Variants in IKBKB-DT observed in about 807,000 individuals in gnomAD.
The protein encoded by IKBKB-DT is IKBKB divergent transcript, also known as IKBKB antisense RNA.
rs565894601 is a variant in IKBKB-DT at position 42,268,283 on chromosome 8, T to C, written n.604-1887A>G. On this transcript the variant is annotated intron_variant and non_coding_transcript_variant, in intron 1 of 3. Coordinates refer to ENST00000518213, the Ensembl canonical transcript of IKBKB-DT. ...CCGAGTAGCTTGGATTACAGGCACG[T>C]GCCACCACGCCCAGCTAATTTTTTT... 8.3e-4 allele frequency among the ~76,000 whole-genome samples: 126 copies of C among 151,912 alleles called. No individual in the cohort carries two copies. In the East Asian group the frequency reaches 0.024, roughly 28 times the overall value.
chr8:42,235,826 T>G (rs1176396779), intron 3 of IKBKB-DT, among the ~76,000 whole-genome samples: 1 of 152,042 alleles, frequency 6.6e-6, no homozygotes, highest in Non-Finnish European at 1.5e-5. Context: ...CAGTGGGCAG[T>G]AAGAACCAAT....
intron 3 of IKBKB-DT, among the ~76,000 whole-genome samples, chr8:42,258,626 G>GC (rs1356752614): frequency 6.6e-6 from 1 of 151,860 alleles, no homozygotes; most frequent in Admixed American, 6.6e-5. Flanking sequence ...CCACCATCAT[G>GC]CCCGGCTAAT....
intron 3 of IKBKB-DT, among the ~76,000 whole-genome samples, chr8:42,260,075 G>A (rs970939606): frequency 4.6e-5 from 7 of 151,986 alleles, no homozygotes; most frequent in African/African-American, 7.2e-5. Flanking sequence ...CAGGAGCAAC[G>A]GGAAGGAAGA....
intron 3 of IKBKB-DT, among the ~76,000 whole-genome samples, chr8:42,258,019 AG>A (rs1444868050): frequency 3.9e-5 from 6 of 152,150 alleles, no homozygotes; most frequent in African/African-American, 1.4e-4. Context: ...CATGAAACAC[AG>A]GAAATTATTC....
At chr8:42,267,448 C>G (rs186052888) in intron 1 of IKBKB-DT, among the ~76,000 whole-genome samples, 2 of 152,100 alleles carry the variant, frequency 1.3e-5, no homozygotes, top group Non-Finnish European at 2.9e-5. Flanking sequence ...AGAACAAATC[C>G]GTGTGTGATT....
chr8:42,235,204 T>TA (rs1806903641), intron 3 of IKBKB-DT, among the ~76,000 whole-genome samples: 1 of 132,938 alleles, frequency 7.5e-6, no homozygotes, highest in Non-Finnish European at 1.5e-5. Context: ...TCTTTTATTT[T>TA]CTTTTTTTTT....
At chr8:42,268,410 C>T (rs1807405838) in intron 1 of IKBKB-DT, among the ~76,000 whole-genome samples, 1 of 152,010 alleles carries the variant, frequency 6.6e-6, no homozygotes, top group South Asian at 2.1e-4. Flanking sequence ...GCTGGCATTA[C>T]AGGTGTAAGC....
rs1347872364 is a variant in IKBKB-DT at position 42,259,552 on chromosome 8, C to A, written n.1529+3777G>T. Among the ~76,000 whole-genome samples, 4 of 152,100 alleles carry A rather than the reference C, an allele frequency of 2.6e-5. No individual in the cohort carries two copies. The East Asian group carries it at 7.7e-4, about 29-fold the overall frequency. Reference sequence around the variant, plus strand: ...TAGGTTACCAAAGAGATTTGGGGAACCATTTTTAGTAGACATGTGATAAAC... The same window carrying A: ...TAGGTTACCAAAGAGATTTGGGGAAACATTTTTAGTAGACATGTGATAAAC... On this transcript the variant is annotated intron_variant and non_coding_transcript_variant, in intron 3 of 3. Transcript: ENST00000518213.
chr8:42,260,496 T>G (rs995950322), intron 3 of IKBKB-DT, among the ~76,000 whole-genome samples: 1 of 151,742 alleles, frequency 6.6e-6, no homozygotes, highest in Non-Finnish European at 1.5e-5. Context: ...AAACTCCGTT[T>G]TAAACCCTAC....
At chr8:42,243,930 A>G (rs1807033136) in intron 3 of IKBKB-DT, among the ~76,000 whole-genome samples, 2 of 152,330 alleles carry the variant, frequency 1.3e-5, no homozygotes, top group South Asian at 4.1e-4. Flanking sequence ...CTGAACTCAG[A>G]TGATGTAGGA....
chr8:42,258,269 A>C (rs2129926424), intron 3 of IKBKB-DT, among the ~76,000 whole-genome samples: 1 of 152,190 alleles, frequency 6.6e-6, no homozygotes, highest in African/African-American at 2.4e-5. Context: ...TTAATCACAC[A>C]AGATTCTCTC....
chr8:42,260,935 G>A (rs1050220965), intron 3 of IKBKB-DT, among the ~76,000 whole-genome samples: 1 of 152,072 alleles, frequency 6.6e-6, no homozygotes, highest in African/African-American at 2.4e-5. Flanking sequence ...CCTTTCCATA[G>A]ACTATGGGAG....
intron 2 of IKBKB-DT, chr8:42,263,492 T>G (rs1248468308): frequency 6.6e-6 from 1 of 152,160 alleles, no homozygotes; most frequent in Non-Finnish European, 1.5e-5. Flanking sequence ...AATGGCAGAT[T>G]AAGAAGAGAA....
intron 1 of IKBKB-DT, among the ~76,000 whole-genome samples, chr8:42,268,129 A>ATTT (rs541093630): frequency 2.3e-5 from 3 of 130,380 alleles, no homozygotes; most frequent in African/African-American, 9.0e-5. Flanking sequence ...GTGCTCAATA[A>ATTT]TTTTTTTTTT....
chr8:42,249,299 G>C (rs1391268028), intron 3 of IKBKB-DT: 2 of 152,150 alleles, frequency 1.3e-5, no homozygotes, highest in Non-Finnish European at 2.9e-5. Flanking sequence ...AGCCTGGGAG[G>C]TCAAGGCTGC....
At chr8:42,266,877 C>G (rs1439291403) in intron 1 of IKBKB-DT, among the ~76,000 whole-genome samples, 1 of 152,094 alleles carries the variant, frequency 6.6e-6, no homozygotes, top group African/African-American at 2.4e-5. Context: ...CATGAATAAC[C>G]CACCCCTTGT....
intron 3 of IKBKB-DT, among the ~76,000 whole-genome samples, chr8:42,247,807 T>C (rs1446928895): frequency 1.3e-5 from 2 of 152,066 alleles, no homozygotes; most frequent in Admixed American, 1.3e-4. Context: ...GTGAAGAAAG[T>C]GCCTGCGCTG....
chr8:42,251,084 G>T (rs1185289120), intron 3 of IKBKB-DT, among the ~76,000 whole-genome samples: 2 of 151,928 alleles, frequency 1.3e-5, no homozygotes, highest in African/African-American at 4.8e-5. Flanking sequence ...CCAACATGGT[G>T]AAACCCCACC....
intron 3 of IKBKB-DT, among the ~76,000 whole-genome samples, chr8:42,238,614 G>T (rs148439826): frequency 6.6e-6 from 1 of 152,186 alleles, no homozygotes; most frequent in African/African-American, 2.4e-5. Context: ...GCCAGAGGTC[G>T]TTGAGATTTG....
Sources: gnomAD v4.1 joint callset for allele counts (sites outside exome capture counted in the v4.1 genomes callset) on GRCh38, gnomAD v4.1.1 for gene constraint, MANE v1.5 for transcripts, NCBI Gene and HGNC (gene_info 2026-07-23, HGNC 2026-07-21) for gene names.